GRIK1: variants seen among roughly 807,000 people sequenced by gnomAD.
The protein encoded by GRIK1 is glutamate ionotropic receptor kainate type subunit 1, also known as glutamate receptor ionotropic, kainate 1.
Under a neutral mutation model 105.7 loss-of-function variants are expected in GRIK1, and 69 were observed. That is an observed-to-expected ratio of 0.65 (90% CI 0.54 to 0.80). The LOEUF (loss-of-function observed/expected upper bound fraction) is 0.80. Ranked by LOEUF, GRIK1 falls within the 30% of genes least tolerant of loss-of-function variation. The probability of loss-of-function intolerance (pLI) is 0.00; values close to 1 mark genes in which losing one functional copy is unlikely to be tolerated. For synonymous variants in GRIK1, 438 were observed against 431.3 expected (o/e 1.02, Z -0.19); for missense variants, 1,109 against 1,167.3 (o/e 0.95, Z 0.73).
At chr21:29,708,764 T>C (rs1220160872) in intron 1 of GRIK1, among the ~76,000 whole-genome samples, 1 of 152,240 alleles carries the variant, frequency 6.6e-6, no homozygotes, top group Non-Finnish European at 1.5e-5. Context: ...CAAAAATCCA[T>C]CTTTTAAGCC....
At chr21:29,583,517 C>T (rs1256521838) in intron 12 of GRIK1, among the ~76,000 whole-genome samples, 2 of 152,166 alleles carry the variant, frequency 1.3e-5, no homozygotes, top group Non-Finnish European at 2.9e-5. Flanking sequence ...ACATTTCTCT[C>T]CCAGATATGC....
chr21:29,550,107 CAAAAAAAAAAA>C (rs34939329), intron 16 of GRIK1, among the ~76,000 whole-genome samples: 7 of 53,476 alleles, frequency 1.3e-4, no homozygotes, highest in East Asian at 6.7e-4. Flanking sequence ...GACTCCATCT[CAAAAAAAAAAA>C]AAAAAAAAAA....
At chr21:29,639,506 TAGG>T (rs2146515154) in intron 7 of GRIK1, among the ~76,000 whole-genome samples, 1 of 152,122 alleles carries the variant, frequency 6.6e-6, no homozygotes, top group African/African-American at 2.4e-5. Flanking sequence ...AATAATTTGG[TAGG>T]AGCATATTGC....
chr21:29,710,842 T>TCCTC (rs1261299752), intron 1 of GRIK1, among the ~76,000 whole-genome samples: 80 of 102,650 alleles, frequency 7.8e-4, no homozygotes, highest in African/African-American at 2.8e-3. Context: ...CTTCCTTCCT[T>TCCTC]TTCTCTCCCT....
chr21:29,723,216 G>A lies in GRIK1; in HGVS notation c.119-29153C>T, dbSNP rs367586145. Among the ~76,000 whole-genome samples, 6 of 152,244 alleles carry A rather than the reference G, an allele frequency of 3.9e-5. No homozygotes were observed. In the East Asian group the frequency reaches 1.2e-3, roughly 29 times the overall value. ...ATGCTCTCCTTTAAATGAAGAAATA[G>A]ATAAATTCTAATTCATTTCTTTAAT... On this transcript the variant is annotated intron_variant, in intron 1 of 17. Transcript: ENST00000327783.
At chr21:29,892,833 T>C (rs908680744) in intron 1 of GRIK1, among the ~76,000 whole-genome samples, 6 of 152,252 alleles carry the variant, frequency 3.9e-5, no homozygotes, top group Non-Finnish European at 7.3e-5. Flanking sequence ...CAGCAAAGTA[T>C]TTTTTGTTTT....
chr21:29,646,938 C>G (rs1243745406), intron 6 of GRIK1, among the ~76,000 whole-genome samples: 1 of 151,942 alleles, frequency 6.6e-6, no homozygotes, highest in African/African-American at 2.4e-5. Flanking sequence ...CTCTGCCTCC[C>G]TGGTTCAAGC....
intron 1 of GRIK1, among the ~76,000 whole-genome samples, chr21:29,902,894 A>G (rs1332767248): frequency 2.0e-5 from 3 of 152,202 alleles, no homozygotes; most frequent in Non-Finnish European, 4.4e-5. Flanking sequence ...CTACAAGGCT[A>G]CAGTAACCAA....
chr21:29,939,231 T>C, intron 1 of GRIK1, 152 bp downstream of exon 1: 2 of 560,806 alleles, frequency 3.6e-6, no homozygotes, highest in Non-Finnish European at 3.2e-6. Context: ...CGGCTCCCCC[T>C]TTTTTGTGTA....
chr21:29,756,956 A>C (rs1194215502), intron 1 of GRIK1, among the ~76,000 whole-genome samples: 1 of 151,716 alleles, frequency 6.6e-6, no homozygotes, highest in Non-Finnish European at 1.5e-5. Context: ...TCTACTAAAA[A>C]CATACAAAAA....
chr21:29,571,482 A>G (rs111617894), intron 14 of GRIK1, among the ~76,000 whole-genome samples: 4,913 of 152,294 alleles, frequency 0.032, 99 homozygotes, highest in African/African-American at 0.049. Flanking sequence ...GTTGAGAACC[A>G]AATACATCAG....
chr21:29,666,412 TAATA>T (rs1241421308), intron 4 of GRIK1, among the ~76,000 whole-genome samples: 12 of 152,230 alleles, frequency 7.9e-5, no homozygotes, highest in South Asian at 6.2e-4. Context: ...TCAAATAAAA[TAATA>T]AATAAATAAA....
intron 1 of GRIK1, among the ~76,000 whole-genome samples, chr21:29,728,084 C>T (rs1332445722): frequency 6.6e-6 from 1 of 152,174 alleles, no homozygotes; most frequent in Admixed American, 6.5e-5. Context: ...GATTCAAATG[C>T]TCATCTTCTC....
At chr21:29,933,082 A>T (rs193272385) in intron 1 of GRIK1, among the ~76,000 whole-genome samples, 1 of 152,224 alleles carries the variant, frequency 6.6e-6, no homozygotes, top group East Asian at 1.9e-4. Flanking sequence ...TTAAAGAAAA[A>T]ATATTTATTA....
intron 16 of GRIK1, chr21:29,553,708 G>A: frequency 6.5e-7 from 1 of 1,533,938 alleles, no homozygotes; most frequent in Non-Finnish European, 8.8e-7. Flanking sequence ...AAAAAGCCTT[G>A]CATGCAAAAG....
At chr21:29,825,276 T>C (rs1046694943) in intron 1 of GRIK1, among the ~76,000 whole-genome samples, 1 of 152,108 alleles carries the variant, frequency 6.6e-6, no homozygotes, top group Non-Finnish European at 1.5e-5. Flanking sequence ...GACTTTATGC[T>C]GTATTTCTAA....
At chr21:29,773,455 C>T (rs1476815464) in intron 1 of GRIK1, among the ~76,000 whole-genome samples, 3 of 152,142 alleles carry the variant, frequency 2.0e-5, no homozygotes, top group Non-Finnish European at 4.4e-5. Flanking sequence ...TCTACTGGAG[C>T]CATGTGGGCA....
chr21:29,606,793 TTCTTGTCTTG>T (rs3831787), intron 7 of GRIK1, among the ~76,000 whole-genome samples: 46 of 147,638 alleles, frequency 3.1e-4, no homozygotes, highest in African/African-American at 1.0e-3. Flanking sequence ...TCTCTGTTGT[TTCTTGTCTTG>T]TCTTGTCTTG....
At chr21:29,926,934 C>T (rs968443088) in intron 1 of GRIK1, among the ~76,000 whole-genome samples, 2 of 152,100 alleles carry the variant, frequency 1.3e-5, no homozygotes, top group Non-Finnish European at 2.9e-5. Flanking sequence ...ATCAATCCTT[C>T]GAGGTTAATT....
Sources: gnomAD v4.1 joint callset for allele counts (sites outside exome capture counted in the v4.1 genomes callset) on GRCh38, gnomAD v4.1.1 for gene constraint, MANE v1.5 for transcripts, NCBI Gene and HGNC (gene_info 2026-07-23, HGNC 2026-07-21) for gene names.